ARHGAP29: variants seen among roughly 807,000 people sequenced by gnomAD.
ARHGAP29 encodes the protein Rho GTPase activating protein 29, also known as rho GTPase-activating protein 29.
In ARHGAP29, 43 loss-of-function variants were observed where a neutral mutation model predicts 122.6. The ratio of observed to expected loss-of-function variants is 0.35; its 90% CI spans 0.27 to 0.45. The LOEUF is 0.45. Ranked by LOEUF, ARHGAP29 falls within the 20% of genes least tolerant of loss-of-function variation. The pLI is 1.00. For missense variants in ARHGAP29, 1,303 were observed against 1,477.2 expected (o/e 0.88, Z 1.93); for synonymous variants, 506 against 497.1 (o/e 1.02, Z -0.24).
At position 94,177,624 on chromosome 1, in the gene ARHGAP29, C is replaced by T; in HGVS notation, c.2893G>A (p.Ala965Thr). ...CATGGCTACTCACCACTGAGACATG[C>T]ATCACATTTTCCTAACGCATTTTGC... is the stretch of plus-strand genomic sequence containing the variant. ...RKQNALGKCD[A>T]CLSDKAQLLL... is the part of the protein sequence containing the mutation. The change falls in exon 22 of 23, where the codon GCA becomes ACA. Residue 965 changes from alanine (A) to threonine (T), a missense_variant. This residue lies in a region of ARHGAP29 where 620 missense variants were observed against 651.2 expected (regional missense o/e 0.95). Coordinates refer to ENST00000260526, the MANE Select transcript of ARHGAP29 (RefSeq NM_004815.4). The T allele has an allele frequency of 1.2e-6, 2 of 1,610,562 alleles. No homozygotes were observed. Among genetic ancestry groups the T allele is most frequent in the Non-Finnish European group, 8.5e-7 (1 of 1,178,666 alleles).
In ARHGAP29 at chr1:94,174,328, T is replaced by A. The variant is rs1648948646; in HGVS notation, c.3327A>T (p.Thr1109=). The A allele has an allele frequency of 6.2e-7, 1 of 1,614,048 alleles. No homozygotes were observed. Among genetic ancestry groups the A allele is most frequent in the Non-Finnish European group, 8.5e-7 (1 of 1,180,038 alleles). The change falls in exon 23 of 23, where the codon ACA becomes ACT. Residue 1109 remains threonine (T), a synonymous_variant. Coordinates refer to ENST00000260526, the MANE Select transcript of ARHGAP29 (RefSeq NM_004815.4). ...PSALQEKGVT[T]SLQISGDHSI... is the part of the protein sequence containing the mutation. ...AATGGTCCCCACTAATCTGGAGGCT[T>A]GTTGTCACTCCTTTTTCCTGGAGTG...
chr1:94,243,895 CA>C (rs960861274), intron 1 of ARHGAP29, among the ~76,000 whole-genome samples: 1 of 124,420 alleles, frequency 8.0e-6, no homozygotes, highest in African/African-American at 3.0e-5. Context: ...GGGAATGTTA[CA>C]AAAAACTTTG....
chr1:94,236,364 C>A (rs768305064), intron 1 of ARHGAP29, among the ~76,000 whole-genome samples: 1 of 152,168 alleles, frequency 6.6e-6, no homozygotes, highest in Non-Finnish European at 1.5e-5. Flanking sequence ...CAAAACTACT[C>A]TTTGCCAAAG....
At chr1:94,247,744 G>T in intron 1 of ARHGAP29, 1 of 671,630 alleles carries the variant, frequency 1.5e-6, no homozygotes, top group Non-Finnish European at 1.8e-6. Context: ...CGCCTTTGCA[G>T]CTACCGCCAC....
chr1:94,233,087 G>C (rs571059049), intron 1 of ARHGAP29, among the ~76,000 whole-genome samples: 1 of 151,798 alleles, frequency 6.6e-6, no homozygotes, highest in South Asian at 2.1e-4. Context: ...TGGGACTCCA[G>C]GGGCACAACA....
chr1:94,211,515 T>C (rs1570547648), intron 3 of ARHGAP29, among the ~76,000 whole-genome samples: 2 of 152,080 alleles, frequency 1.3e-5, no homozygotes, highest in East Asian at 3.9e-4. Flanking sequence ...GACAAGACAT[T>C]TATATGACAC....
chr1:94,274,157 C>T (rs1007641645), intron 1 of ARHGAP29, among the ~76,000 whole-genome samples: 1 of 152,152 alleles, frequency 6.6e-6, no homozygotes, highest in Non-Finnish European at 1.5e-5. Flanking sequence ...GTTGGCAAAC[C>T]CTTCTATAAA....
the ARHGAP29 span, among the ~76,000 whole-genome samples, chr1:94,300,482 T>A: frequency 9.2e-5 from 14 of 152,238 alleles, no homozygotes; most frequent in Admixed American, 8.5e-4. Context: ...TGACCTCATC[T>A]GACCTGACCT....
chr1:94,213,786 G>A (rs1445373884), intron 3 of ARHGAP29, among the ~76,000 whole-genome samples: 2 of 152,148 alleles, frequency 1.3e-5, no homozygotes, highest in Non-Finnish European at 2.9e-5. Flanking sequence ...GGATAATTAC[G>A]TACTTTGAGA....
chr1:94,174,789 G>A (rs1376497663), intron 22 of ARHGAP29, 40 bp from the exon 23 acceptor site: 7 of 1,580,914 alleles, frequency 4.4e-6, no homozygotes, highest in Non-Finnish European at 5.2e-6. Flanking sequence ...GTGGCACATG[G>A]TTAATAAGAG....
intron 12 of ARHGAP29, 133 bp downstream of exon 12, chr1:94,201,587 A>C (rs1290173134): frequency 4.3e-6 from 4 of 926,052 alleles, no homozygotes; most frequent in Non-Finnish European, 6.3e-6. Context: ...AGCTCACTAT[A>C]ACCTCAAACT....
At chr1:94,265,520 GA>G (rs779221950) in intron 1 of ARHGAP29, among the ~76,000 whole-genome samples, 9 of 152,210 alleles carry the variant, frequency 5.9e-5, no homozygotes, top group Non-Finnish European at 1.3e-4. Flanking sequence ...CATACCTTGG[GA>G]AGGAAAGTGG....
chr1:94,190,290 T>G, intron 12 of ARHGAP29: 1 of 461,032 alleles, frequency 2.2e-6, no homozygotes, highest in Non-Finnish European at 3.6e-6. Context: ...CTAGGAGCAA[T>G]CATTTCCAGC....
intron 2 of ARHGAP29, among the ~76,000 whole-genome samples, chr1:94,229,812 T>C (rs1349883761): frequency 6.6e-6 from 1 of 151,664 alleles, no homozygotes; most frequent in East Asian, 1.9e-4. Flanking sequence ...TTTAAAACTC[T>C]TATAAAAATT....
chr1:94,212,971 C>T lies in ARHGAP29; in HGVS notation c.341-3621G>A, dbSNP rs546926054. 4.1e-4 allele frequency among the ~76,000 whole-genome samples: 63 copies of T among 152,216 alleles called. 1 individual carries two copies. Among genetic ancestry groups the T allele is most frequent in the African/African-American group, 1.4e-3 (59 of 41,518 alleles). On this transcript the variant is annotated intron_variant, in intron 3 of 22. Transcript: ENST00000260526. ...CATTTTTTCTTATGTTACTAACACACTCAAATCTTTCCTATGTGAAAAAAA... is the reference window on the plus strand; with the variant it reads ...CATTTTTTCTTATGTTACTAACACATTCAAATCTTTCCTATGTGAAAAAAA...
At chr1:94,221,956 G>C (rs1449448694) in intron 2 of ARHGAP29, among the ~76,000 whole-genome samples, 1 of 141,740 alleles carries the variant, frequency 7.1e-6, no homozygotes, top group East Asian at 2.1e-4. Context: ...TGTAATGCCA[G>C]AAAGGAAGGA....
chr1:94,190,554 A>AT (rs926352696), intron 12 of ARHGAP29: 11 of 152,636 alleles, frequency 7.2e-5, no homozygotes, highest in African/African-American at 2.7e-4. Context: ...TAATAATTAG[A>AT]TATTACCTTG....
chr1:94,184,094 A>T, intron 19 of ARHGAP29, 57 bp downstream of exon 19: 1 of 1,550,212 alleles, frequency 6.5e-7, no homozygotes, highest in South Asian at 1.2e-5. Context: ...GCAAAATACA[A>T]ATCATATTTT....
the ARHGAP29 span, among the ~76,000 whole-genome samples, chr1:94,310,358 A>AC: frequency 6.6e-6 from 1 of 152,256 alleles, no homozygotes; most frequent in East Asian, 1.9e-4. Flanking sequence ...CTCCATGCCT[A>AC]CCCCCAGCTG....
Sources: gnomAD v4.1 joint callset for allele counts (sites outside exome capture counted in the v4.1 genomes callset) on GRCh38, gnomAD v4.1.1 for gene constraint, gnomAD v4.1.1 regional missense constraint, MANE v1.5 for transcripts, NCBI Gene and HGNC (gene_info 2026-07-23, HGNC 2026-07-21) for gene names.